CCDC178: variants seen among roughly 807,000 people sequenced by gnomAD.
The protein encoded by CCDC178 is coiled-coil domain containing 178, also known as coiled-coil domain-containing protein 178.
A neutral mutation model predicts 117.4 loss-of-function variants in CCDC178; 126 were observed. The ratio of observed to expected loss-of-function variants is 1.07; its 90% confidence interval spans 0.93 to 1.24. CCDC178 has a LOEUF of 1.24. Ranked by LOEUF, CCDC178 falls within the 50% of genes most tolerant of loss-of-function variation. The probability of loss-of-function intolerance (pLI) is 0.00; values close to 1 mark genes in which losing one functional copy is unlikely to be tolerated. For synonymous variants in CCDC178, 283 were observed against 313.4 expected, an observed-to-expected ratio of 0.90 and a Z score of 1.02; for missense variants, 1,030 against 986.9, an observed-to-expected ratio of 1.04 and a Z score of -0.59.
At chr18:33,245,208 T>C in intron 15 of CCDC178, 37 bp downstream of exon 15, 1 of 1,466,496 alleles carries the variant, frequency 6.8e-7, no homozygotes, top group Non-Finnish European at 9.1e-7. Flanking sequence ...TTACTCTTTT[T>C]TTCATCATGA....
chr18:33,238,934 G>T (rs182766246), intron 15 of CCDC178, among the ~76,000 whole-genome samples: 1 of 152,182 alleles, frequency 6.6e-6, no homozygotes, highest in Non-Finnish European at 1.5e-5. Context: ...GGATTTGCCA[G>T]GAGAAATCTT....
chr18:33,070,069 T>G (rs1007811155), intron 21 of CCDC178, among the ~76,000 whole-genome samples: 3 of 152,060 alleles, frequency 2.0e-5, no homozygotes, highest in Non-Finnish European at 4.4e-5. Context: ...TTATACAATG[T>G]TGGTAGAAAT....
At chr18:33,002,137 C>T (rs2055649157) in intron 21 of CCDC178, among the ~76,000 whole-genome samples, 2 of 152,072 alleles carry the variant, frequency 1.3e-5, no homozygotes, top group African/African-American at 4.8e-5. Flanking sequence ...AGAAAATTAA[C>T]AAGAAAATAT....
intron 20 of CCDC178, among the ~76,000 whole-genome samples, chr18:33,112,539 A>G (rs1264586851): frequency 1.3e-5 from 2 of 151,872 alleles, no homozygotes; most frequent in African/African-American, 4.8e-5. Context: ...TTCATTTATT[A>G]GACAGCCTGC....
At chr18:33,391,042 T>C (rs1279978348) in intron 4 of CCDC178, among the ~76,000 whole-genome samples, 1 of 151,042 alleles carries the variant, frequency 6.6e-6, no homozygotes, top group Non-Finnish European at 1.5e-5. Flanking sequence ...TCAAAAAATA[T>C]AAAAATGATA....
At chr18:33,096,457 T>C (rs1396305501) in intron 20 of CCDC178, among the ~76,000 whole-genome samples, 2 of 150,790 alleles carry the variant, frequency 1.3e-5, no homozygotes, top group African/African-American at 4.9e-5. Flanking sequence ...GCAAGGAAAT[T>C]AGAAATAAGG....
chr18:33,219,821 T>A (rs1279782975), intron 18 of CCDC178, among the ~76,000 whole-genome samples: 1 of 152,030 alleles, frequency 6.6e-6, no homozygotes, highest in Non-Finnish European at 1.5e-5. Flanking sequence ...ATATACCTAA[T>A]GTAAATGACG....
intron 3 of CCDC178, among the ~76,000 whole-genome samples, chr18:33,409,163 G>T (rs553517451): frequency 3.3e-5 from 5 of 152,042 alleles, no homozygotes; most frequent in Admixed American, 2.0e-4. Flanking sequence ...AGCCGCATGC[G>T]ACATCTGCCT....
chr18:33,421,108 A>T (rs1417363914), intron 2 of CCDC178, among the ~76,000 whole-genome samples: 2 of 152,196 alleles, frequency 1.3e-5, no homozygotes, highest in Non-Finnish European at 2.9e-5. Flanking sequence ...AACTGAAGGA[A>T]TGTGCCAAAG....
intron 10 of CCDC178, among the ~76,000 whole-genome samples, chr18:33,325,896 G>A (rs192081800): frequency 9.2e-5 from 14 of 152,236 alleles, no homozygotes; most frequent in Admixed American, 5.9e-4. Context: ...AGTGGCATTC[G>A]GTGCATTCAC....
At chr18:33,333,043 A>C in intron 10 of CCDC178, 131 bp downstream of exon 10, 5 of 543,358 alleles carry the variant, frequency 9.2e-6, no homozygotes, top group East Asian at 2.9e-5. Context: ...GGTAATGTGT[A>C]GAGATAAAGA....
At chr18:33,219,875 A>G (rs1755979186) in intron 18 of CCDC178, among the ~76,000 whole-genome samples, 1 of 152,016 alleles carries the variant, frequency 6.6e-6, no homozygotes, top group African/African-American at 2.4e-5. Context: ...GTATACATAA[A>G]CAAACCTGCA....
intron 6 of CCDC178, among the ~76,000 whole-genome samples, chr18:33,367,727 C>T (rs1353886382): frequency 2.6e-5 from 4 of 151,890 alleles, no homozygotes; most frequent in Non-Finnish European, 5.9e-5. Context: ...TTGCACCAAA[C>T]ATAGTACTTA....
intron 14 of CCDC178, among the ~76,000 whole-genome samples, chr18:33,252,849 T>C (rs1233635091): frequency 6.6e-6 from 1 of 151,818 alleles, no homozygotes; most frequent in Non-Finnish European, 1.5e-5. Context: ...TTGCTTAAGA[T>C]ACAGTTGAAC....
chr18:33,385,565 A>G (rs956564685), intron 5 of CCDC178, among the ~76,000 whole-genome samples: 2 of 152,208 alleles, frequency 1.3e-5, no homozygotes, highest in Non-Finnish European at 2.9e-5. Flanking sequence ...AGCCCACTCA[A>G]AACCACACAA....
intron 21 of CCDC178, among the ~76,000 whole-genome samples, chr18:32,980,765 T>C (rs1228389932): frequency 6.6e-6 from 1 of 152,142 alleles, no homozygotes; most frequent in Non-Finnish European, 1.5e-5. Flanking sequence ...CATCATATTG[T>C]CAAATACTAA....
chr18:33,342,120 A>G (rs895888221), intron 9 of CCDC178, among the ~76,000 whole-genome samples: 1 of 152,252 alleles, frequency 6.6e-6, no homozygotes, highest in Non-Finnish European at 1.5e-5. Context: ...GGACTTCTAC[A>G]GAATAAATAA....
chr18:33,123,720 G>A (rs1257832603), intron 20 of CCDC178, among the ~76,000 whole-genome samples: 1 of 152,082 alleles, frequency 6.6e-6, no homozygotes, highest in Non-Finnish European at 1.5e-5. Context: ...TATAGTCGAT[G>A]TCAAATTCTA....
At chr18:33,061,679 T>A (rs921812307) in intron 21 of CCDC178, among the ~76,000 whole-genome samples, 12 of 152,310 alleles carry the variant, frequency 7.9e-5, no homozygotes, top group Admixed American at 5.2e-4. Context: ...CACACATTGG[T>A]TTCATTTTAC....
Sources: gnomAD v4.1 joint callset for allele counts (sites outside exome capture counted in the v4.1 genomes callset) on GRCh38, gnomAD v4.1.1 for gene constraint, MANE v1.5 for transcripts, NCBI Gene and HGNC (gene_info 2026-07-23, HGNC 2026-07-21) for gene names.